The following NRCAM variants were observed in gnomAD, a reference collection of about 807,000 sequenced individuals.
NRCAM encodes the protein NgCAM-related cell adhesion molecule.
In NRCAM, 83 loss-of-function variants were observed where a neutral mutation model predicts 156.5. The ratio of observed to expected loss-of-function variants is 0.53; its 90% CI spans 0.44 to 0.64. The LOEUF (loss-of-function observed/expected upper bound fraction) is 0.64. NRCAM is among the 30% of genes least tolerant of loss of function. The pLI is 0.00. For synonymous variants in NRCAM, 538 were observed against 563.9 expected (o/e 0.95, Z 0.65); for missense variants, 1,417 against 1,597.3 (o/e 0.89, Z 1.92).
intron 1 of NRCAM, among the ~76,000 whole-genome samples, chr7:108,434,496 A>G (rs1462097237): frequency 6.6e-6 from 1 of 151,518 alleles, no homozygotes; most frequent in East Asian, 1.9e-4. Context: ...TGTAGAAGAG[A>G]CCTCAGGGGC....
chr7:108,440,541 G>A (rs1245032038), intron 1 of NRCAM, among the ~76,000 whole-genome samples: 2 of 152,014 alleles, frequency 1.3e-5, no homozygotes, highest in Non-Finnish European at 2.9e-5. Flanking sequence ...CCATTAGTTG[G>A]GTTTTACTCC....
At chr7:108,339,136 C>T (rs1199129410) in intron 2 of NRCAM, among the ~76,000 whole-genome samples, 2 of 152,132 alleles carry the variant, frequency 1.3e-5, no homozygotes, top group African/African-American at 4.8e-5. Flanking sequence ...TCCCTTAACC[C>T]AGAAGATTTC....
At chr7:108,161,001 A>G (rs1423643671) in intron 30 of NRCAM, among the ~76,000 whole-genome samples, 1 of 152,190 alleles carries the variant, frequency 6.6e-6, no homozygotes, top group Non-Finnish European at 1.5e-5. Flanking sequence ...AAAAAAGAAA[A>G]CGGTCCACAC....
chr7:108,371,758 A>C (rs769500534), intron 2 of NRCAM, among the ~76,000 whole-genome samples: 1 of 152,282 alleles, frequency 6.6e-6, no homozygotes, highest in East Asian at 1.9e-4. Flanking sequence ...GTGCTTCTAT[A>C]ATAGTACAGT....
intron 3 of NRCAM, among the ~76,000 whole-genome samples, chr7:108,310,734 T>C (rs573064878): frequency 1.3e-5 from 2 of 152,200 alleles, no homozygotes; most frequent in East Asian, 1.9e-4. Flanking sequence ...GGAAACAAAT[T>C]GGGAAGACTC....
intron 2 of NRCAM, among the ~76,000 whole-genome samples, chr7:108,325,879 C>T (rs915196685): frequency 1.3e-5 from 2 of 151,800 alleles, no homozygotes; most frequent in African/African-American, 4.8e-5. Flanking sequence ...ATTTTGGCCA[C>T]TAGATGCATA....
At chr7:108,150,602 A>ATTTTT in intron 32 of NRCAM, 2 of 435,684 alleles carry the variant, frequency 4.6e-6, no homozygotes, top group Non-Finnish European at 9.3e-6. Context: ...TGAAATGTGG[A>ATTTTT]TTTTTTTTTT....
intron 2 of NRCAM, among the ~76,000 whole-genome samples, chr7:108,325,682 T>A (rs185825714): frequency 1.3e-5 from 2 of 152,232 alleles, no homozygotes; most frequent in South Asian, 2.1e-4. Context: ...TCTTTTTTTT[T>A]AATCTCATGT....
At chr7:108,280,577 C>G (rs2097817458) in intron 3 of NRCAM, among the ~76,000 whole-genome samples, 1 of 152,180 alleles carries the variant, frequency 6.6e-6, no homozygotes, top group Non-Finnish European at 1.5e-5. Context: ...TTTCATTGAA[C>G]TGTCTCAAAA....
At chr7:108,340,160 C>G (rs974140833) in intron 2 of NRCAM, among the ~76,000 whole-genome samples, 1 of 152,028 alleles carries the variant, frequency 6.6e-6, no homozygotes, top group Non-Finnish European at 1.5e-5. Flanking sequence ...GACTCCTTCT[C>G]CAACTAATAA....
chr7:108,259,440 C>T (rs925211933), intron 3 of NRCAM, among the ~76,000 whole-genome samples: 1 of 152,154 alleles, frequency 6.6e-6, no homozygotes, highest in Admixed American at 6.5e-5. Flanking sequence ...TGTGGTGGTT[C>T]CTCAAAGACC....
At chr7:108,268,602 A>G (rs922398063) in intron 3 of NRCAM, among the ~76,000 whole-genome samples, 1 of 14,392 alleles carries the variant, frequency 6.9e-5, no homozygotes, top group Non-Finnish European at 1.3e-4. Flanking sequence ...AGAGTGAAGA[A>G]ATGAGCGGGG....
intron 2 of NRCAM, among the ~76,000 whole-genome samples, chr7:108,391,073 T>C (rs960982380): frequency 1.3e-5 from 2 of 152,256 alleles, no homozygotes; most frequent in African/African-American, 4.8e-5. Flanking sequence ...GAAAGTTCTA[T>C]AGATGTCTAT....
intron 2 of NRCAM, among the ~76,000 whole-genome samples, chr7:108,319,673 C>T (rs1038783113): frequency 1.3e-5 from 2 of 152,124 alleles, no homozygotes; most frequent in African/African-American, 4.8e-5. Context: ...TGATGGGAAC[C>T]GGCTTTGTCA....
chr7:108,340,102 C>T (rs966690889), intron 2 of NRCAM, among the ~76,000 whole-genome samples: 1 of 152,146 alleles, frequency 6.6e-6, no homozygotes, highest in Non-Finnish European at 1.5e-5. Flanking sequence ...GTGATTTATG[C>T]CCTACAGGAA....
chr7:108,239,275 C>A (rs2095368103), intron 4 of NRCAM, among the ~76,000 whole-genome samples: 1 of 152,068 alleles, frequency 6.6e-6, no homozygotes, highest in African/African-American at 2.4e-5. Flanking sequence ...TTGTTTGCTC[C>A]ATTTTAGTGC....
chr7:108,302,917 C>G (rs1290845595), intron 3 of NRCAM, among the ~76,000 whole-genome samples: 1 of 152,086 alleles, frequency 6.6e-6, no homozygotes, highest in African/African-American at 2.4e-5. Flanking sequence ...TCATCACAGT[C>G]CTGTCTTCCT....
intron 2 of NRCAM, among the ~76,000 whole-genome samples, chr7:108,328,241 C>A (rs1429481364): frequency 1.3e-5 from 2 of 152,110 alleles, no homozygotes; most frequent in African/African-American, 4.8e-5. Flanking sequence ...AAAACCAAAT[C>A]AATGAACAGA....
intron 2 of NRCAM, among the ~76,000 whole-genome samples, chr7:108,383,156 C>CA (rs1355352355): frequency 1.1e-5 from 1 of 92,434 alleles, no homozygotes; most frequent in Non-Finnish European, 2.2e-5. Context: ...ACACACACAC[C>CA]CCTTGGTGTT....
Sources: allele counts gnomAD v4.1 joint callset (sites outside exome capture counted in the v4.1 genomes callset), GRCh38; gene constraint gnomAD v4.1.1; transcripts MANE v1.5; gene names NCBI Gene and HGNC (gene_info 2026-07-23, HGNC 2026-07-21).